IBTK: variants seen among roughly 807,000 people sequenced by gnomAD.
The protein encoded by IBTK is inhibitor of Bruton tyrosine kinase, also known as BTK-binding protein.
In IBTK, 83 loss-of-function variants were observed where a neutral mutation model predicts 154.9. That is an observed-to-expected ratio of 0.54 (90% CI 0.45 to 0.64). The LOEUF (loss-of-function observed/expected upper bound fraction) is 0.64, where lower values mean the gene tolerates loss of function less well. IBTK is among the 30% of genes least tolerant of loss of function. IBTK has a pLI of 0.00. For synonymous variants in IBTK, 515 were observed against 536.1 expected, an observed-to-expected ratio of 0.96 and a Z score of 0.54; for missense variants, 1,332 against 1,584.6, an observed-to-expected ratio of 0.84 and a Z score of 2.71.
At chr6:82,178,560 C>T (rs577159340) in intron 26 of IBTK, among the ~76,000 whole-genome samples, 45 of 152,306 alleles carry the variant, frequency 3.0e-4, no homozygotes, top group African/African-American at 1.1e-3. Flanking sequence ...GCACCCAATA[C>T]ATGCCAGAAG....
intron 25 of IBTK, among the ~76,000 whole-genome samples, chr6:82,185,146 G>A (rs533799986): frequency 7.1e-6 from 1 of 141,792 alleles, no homozygotes; most frequent in South Asian, 2.2e-4. Context: ...TTGCGCCACG[G>A]CACTGCAGCC....
intron 25 of IBTK, among the ~76,000 whole-genome samples, chr6:82,183,108 G>A (rs1330850030): frequency 6.6e-6 from 1 of 152,132 alleles, no homozygotes; most frequent in African/African-American, 2.4e-5. Context: ...AATTAAAAGG[G>A]TAATAAAGAA....
At position 82,231,676 on chromosome 6, in the gene IBTK, T is replaced by C. The variant is rs562671087; in HGVS notation, c.543+42A>G. 6 of 1,474,490 alleles carry C rather than the reference T, an allele frequency of 4.1e-6. No homozygotes were observed. In the South Asian group the frequency reaches 7.0e-5, roughly 17 times the overall value. The allele number at this position is 1,474,490 out of a possible 1,614,324, so 91.3% of individuals were successfully genotyped here. A position where few individuals can be genotyped will look rare whatever the true frequency, so the allele number is the denominator to read the frequency against. ...GCTGAACAATCAAATACAAAAGTTC[T>C]TTCTCATCTCTAAAAGTATATAGAT... On this transcript the variant is annotated intron_variant, in intron 4 of 28. Transcript: ENST00000306270.
chr6:82,172,356 A>T, intron 28 of IBTK, 24 bp downstream of exon 28: 2 of 1,597,630 alleles, frequency 1.3e-6, no homozygotes, highest in African/African-American at 1.3e-5. Flanking sequence ...CTCTAAATTA[A>T]ACCCTACTAA....
chr6:82,198,824 A>G (rs1216915745), intron 21 of IBTK, among the ~76,000 whole-genome samples: 1 of 152,178 alleles, frequency 6.6e-6, no homozygotes, highest in Non-Finnish European at 1.5e-5. Context: ...ATATAGTTTA[A>G]TCTAGATCAG....
intron 25 of IBTK, 98 bp from the exon 26 acceptor site, chr6:82,182,126 TA>T: frequency 9.1e-7 from 1 of 1,100,194 alleles, no homozygotes; most frequent in Non-Finnish European, 1.3e-6. Context: ...CCAAAAATTT[TA>T]CAATATACAA....
At chr6:82,221,769 A>T (rs1310937341) in intron 8 of IBTK, among the ~76,000 whole-genome samples, 3 of 152,224 alleles carry the variant, frequency 2.0e-5, no homozygotes, top group African/African-American at 7.2e-5. Flanking sequence ...AACATCTTAC[A>T]TATCACCTCA....
chr6:82,192,627 A>G (rs1040617345), intron 23 of IBTK, among the ~76,000 whole-genome samples: 8 of 151,440 alleles, frequency 5.3e-5, no homozygotes, highest in African/African-American at 1.9e-4. Flanking sequence ...GGCGCCTGTA[A>G]TCCCAGCTAC....
intron 12 of IBTK, among the ~76,000 whole-genome samples, chr6:82,213,235 G>A (rs184486561): frequency 3.0e-4 from 46 of 152,080 alleles, no homozygotes; most frequent in African/African-American, 1.1e-3. Context: ...CGCCATGTTG[G>A]CCAGCTTGGT....
intron 2 of IBTK, among the ~76,000 whole-genome samples, chr6:82,234,790 G>A (rs1770653932): frequency 6.6e-6 from 1 of 152,012 alleles, no homozygotes; most frequent in African/African-American, 2.4e-5. Context: ...GACTCTTGCT[G>A]GAATAAGGAA....
At chr6:82,188,645 AC>A in intron 25 of IBTK, among the ~76,000 whole-genome samples, 1 of 152,196 alleles carries the variant, frequency 6.6e-6, no homozygotes, top group Non-Finnish European at 1.5e-5. Context: ...TCATCAACAA[AC>A]AAACCAAAAA....
intron 26 of IBTK, among the ~76,000 whole-genome samples, chr6:82,181,283 G>A (rs1329358089): frequency 1.3e-5 from 2 of 151,972 alleles, no homozygotes; most frequent in South Asian, 2.1e-4. Flanking sequence ...AATACCTAAA[G>A]GTCCATCAAC....
chr6:82,188,671 G>T (rs948288726), intron 25 of IBTK, among the ~76,000 whole-genome samples: 3 of 152,202 alleles, frequency 2.0e-5, no homozygotes, highest in Admixed American at 6.5e-5. Flanking sequence ...TCTTGATAAA[G>T]ATTTTAATGA....
chr6:82,233,344 T>G (rs1036800482), intron 3 of IBTK, among the ~76,000 whole-genome samples: 3 of 151,890 alleles, frequency 2.0e-5, no homozygotes, highest in Admixed American at 6.6e-5. Context: ...ACCACAAAAA[T>G]AATGATAATT....
At position 82,202,650 on chromosome 6, in the gene IBTK, A is replaced by C. The variant is rs1183494790; in HGVS notation, c.2612-5T>G. 4.6e-6 allele frequency: 7 copies of C among 1,520,004 alleles called. No individual in the cohort carries two copies. The highest frequency in any genetic ancestry group is 1.4e-5 in the African/African-American group (1 of 71,202). The allele number at this position is 1,520,004 out of a possible 1,614,324, so 94.2% of individuals were successfully genotyped here. ...TAGCAGCATTCTTCAGGGTAACTAC[A>C]AAGAAAGAAAAGATTTGCAAAATTA... On this transcript the variant is annotated splice_region_variant and splice_polypyrimidine_tract_variant and intron_variant, in intron 17 of 28. Transcript: ENST00000306270.
chr6:82,232,919 G>A (rs1034999108), intron 3 of IBTK, among the ~76,000 whole-genome samples: 1 of 152,162 alleles, frequency 6.6e-6, no homozygotes, highest in Non-Finnish European at 1.5e-5. Context: ...TTGGGAGACC[G>A]AGGCAGACGG....
intron 8 of IBTK, among the ~76,000 whole-genome samples, chr6:82,221,007 A>C (rs1173485889): frequency 2.0e-5 from 3 of 150,418 alleles, no homozygotes; most frequent in African/African-American, 7.4e-5. Context: ...CCACCTGCTA[A>C]TTCAAACATT....
rs748897014 is a variant in IBTK, at chr6:82,204,975, A to G, written c.2510-17T>C. 50 of 1,516,076 alleles carry G rather than the reference A, an allele frequency of 3.3e-5. No homozygotes were observed. Among genetic ancestry groups the G allele is most frequent in the Admixed American group, 2.5e-4 (14 of 54,910 alleles). 93.9% of individuals were successfully genotyped at this position (1,516,076 alleles called of 1,614,324 possible). Reference sequence around the variant, plus strand: ...TTTGAGATTCTAAAAAAAGAAAGAAAACAAGCATCACTTTTTCTTTGTATA... The same window carrying G: ...TTTGAGATTCTAAAAAAAGAAAGAAGACAAGCATCACTTTTTCTTTGTATA... On this transcript the variant is annotated splice_polypyrimidine_tract_variant and intron_variant, in intron 16 of 28. Transcript: ENST00000306270.
rs562550258 is a variant in IBTK, at chr6:82,170,754, G to A, written c.*671C>T. On this transcript the variant is annotated 3_prime_UTR_variant, in exon 29 of 29. Coordinates refer to ENST00000306270, the MANE Select transcript of IBTK (RefSeq NM_015525.4). ...AAATCTTGTTTTTCTTTTTTAAAAC[G>A]CTATTCTCTTGGGACTAAACTGTTC... The A allele has an allele frequency of 1.9e-4, 29 of 152,040 alleles. No homozygotes were observed. The highest frequency in any genetic ancestry group is 3.4e-3 in the Middle Eastern group (1 of 294). 9.4% of individuals were successfully genotyped at this position (152,040 alleles called of 1,614,324 possible).
Sources: allele counts gnomAD v4.1 joint callset (sites outside exome capture counted in the v4.1 genomes callset), GRCh38; gene constraint gnomAD v4.1.1; transcripts MANE v1.5; gene names NCBI Gene and HGNC (gene_info 2026-07-23, HGNC 2026-07-21).